VSTM4: variants seen among roughly 807,000 people sequenced by gnomAD.
VSTM4 encodes V-set and transmembrane domain containing 4, also known as V-set and transmembrane domain-containing protein 4.
A neutral mutation model predicts 36.4 loss-of-function variants in VSTM4; 20 were observed. The ratio of observed to expected loss-of-function variants is 0.55; its 90% CI spans 0.39 to 0.80. The LOEUF (loss-of-function observed/expected upper bound fraction) is 0.80. VSTM4 is among the 30% of genes least tolerant of loss of function. The pLI is 0.00. For missense variants in VSTM4, 392 were observed against 404.5 expected, an observed-to-expected ratio of 0.97 and a Z score of 0.26; for synonymous variants, 182 against 173.9, an observed-to-expected ratio of 1.05 and a Z score of -0.37.
intron 5 of VSTM4, among the ~76,000 whole-genome samples, chr10:49,051,182 A>C (rs569425911): frequency 2.6e-5 from 4 of 152,142 alleles, no homozygotes; most frequent in Non-Finnish European, 4.4e-5. Flanking sequence ...TTCACTCCCA[A>C]GTATCCTCTG....
intron 3 of VSTM4, among the ~76,000 whole-genome samples, chr10:49,085,625 A>C (rs1232033387): frequency 6.6e-6 from 1 of 152,220 alleles, no homozygotes; most frequent in Admixed American, 6.5e-5. Flanking sequence ...AGGGATTTCC[A>C]TCTCACTTTG....
At chr10:49,078,501 T>A (rs1186230366) in intron 3 of VSTM4, among the ~76,000 whole-genome samples, 1 of 147,556 alleles carries the variant, frequency 6.8e-6, no homozygotes. Context: ...CCTGGATGAA[T>A]CTCCAGAGAA....
At chr10:49,094,792 G>C (rs530536111) in intron 2 of VSTM4, among the ~76,000 whole-genome samples, 2 of 152,208 alleles carry the variant, frequency 1.3e-5, no homozygotes, top group South Asian at 4.2e-4. Context: ...GGGGGTGGGG[G>C]GCGTGCCACT....
At chr10:49,105,332 G>C (rs111209284) in intron 2 of VSTM4, among the ~76,000 whole-genome samples, 2 of 102,326 alleles carry the variant, frequency 2.0e-5, no homozygotes, top group East Asian at 2.3e-4. Context: ...AGAGAGACGG[G>C]GGGGGGAGAG....
intron 5 of VSTM4, among the ~76,000 whole-genome samples, chr10:49,059,051 G>C (rs1185741994): frequency 1.3e-5 from 2 of 152,220 alleles, no homozygotes; most frequent in African/African-American, 4.8e-5. Flanking sequence ...GCACAATTCA[G>C]GCCAAAGCCA....
chr10:49,047,643 G>C (rs764224450), intron 6 of VSTM4, among the ~76,000 whole-genome samples: 1 of 152,112 alleles, frequency 6.6e-6, no homozygotes, highest in African/African-American at 2.4e-5. Flanking sequence ...GCCTGGCCCA[G>C]GCAGGCGTTC....
rs189441546 is a variant in VSTM4 at position 49,047,355 on chromosome 10, C to A, written c.776-311G>T. ...GTGAAGGCTGAAGCTGGGACCTTCCCTGGGAGACTCCGTCCTACCCACACA... is the reference window on the plus strand; with the variant it reads ...GTGAAGGCTGAAGCTGGGACCTTCCATGGGAGACTCCGTCCTACCCACACA... On this transcript the variant is annotated intron_variant, in intron 6 of 7. Coordinates refer to ENST00000332853, the MANE Select transcript of VSTM4 (RefSeq NM_001031746.5). Among the ~76,000 whole-genome samples, 4 of 152,264 alleles carry A rather than the reference C, an allele frequency of 2.6e-5. No individual in the cohort carries two copies. In the East Asian group the frequency reaches 7.7e-4, roughly 29 times the overall value.
chr10:49,102,983 T>C (rs1038379189), intron 2 of VSTM4: 5 of 154,778 alleles, frequency 3.2e-5, no homozygotes, highest in Admixed American at 6.5e-5. Context: ...AACACTCTTA[T>C]GTAGACCAAT....
At position 49,052,241 on chromosome 10, in the gene VSTM4, A is replaced by G. The variant is rs542656316; in HGVS notation, c.669-3657T>C. On this transcript the variant is annotated intron_variant, in intron 5 of 7. Transcript: ENST00000332853. ...TACACCACAGCTATGCCACTCAACA[A>G]ATGAGAATACCTACGTCACCCTCCT... 1.4e-4 allele frequency among the ~76,000 whole-genome samples: 21 copies of G among 152,316 alleles called. No homozygotes were observed. The South Asian group carries it at 1.9e-3, about 14-fold the overall frequency.
intron 3 of VSTM4, among the ~76,000 whole-genome samples, chr10:49,085,631 C>G (rs1355348097): frequency 6.6e-6 from 1 of 152,126 alleles, no homozygotes; most frequent in African/African-American, 2.4e-5. Flanking sequence ...TTCCATCTCA[C>G]TTTGAGTAAG....
chr10:49,098,523 TCC>T (rs1421987658), intron 2 of VSTM4, among the ~76,000 whole-genome samples: 3 of 152,128 alleles, frequency 2.0e-5, no homozygotes, highest in African/African-American at 7.2e-5. Flanking sequence ...CACTTCCTCC[TCC>T]TCTAATCTGA....
chr10:49,088,398 A>G (rs562162824), intron 2 of VSTM4, among the ~76,000 whole-genome samples: 1 of 152,322 alleles, frequency 6.6e-6, no homozygotes, highest in East Asian at 1.9e-4. Flanking sequence ...ACATCAGACA[A>G]TTTGTCCATC....
At chr10:49,056,184 A>T (rs1172021878) in intron 5 of VSTM4, among the ~76,000 whole-genome samples, 1 of 152,220 alleles carries the variant, frequency 6.6e-6, no homozygotes, top group South Asian at 2.1e-4. Flanking sequence ...TCATCCTTAG[A>T]GCCACAAGAA....
chr10:49,019,564 A>T lies in VSTM4; in HGVS notation c.*86T>A, dbSNP rs944605187. On this transcript the variant is annotated 3_prime_UTR_variant, in exon 8 of 8. Transcript: ENST00000332853. ...CCACCACTCAGAAGGCATGAGTGAAAATACAGACATAAGGGCTTTGTCTCC... is the reference window on the plus strand; with the variant it reads ...CCACCACTCAGAAGGCATGAGTGAATATACAGACATAAGGGCTTTGTCTCC... 6 of 1,473,526 alleles carry T rather than the reference A, an allele frequency of 4.1e-6. No homozygotes were observed. Among genetic ancestry groups the T allele is most frequent in the Middle Eastern group, 2.1e-4 (1 of 4,826 alleles). 91.3% of individuals were successfully genotyped at this position (1,473,526 alleles called of 1,614,324 possible).
chr10:49,065,659 C>T (rs1291384828), intron 4 of VSTM4, among the ~76,000 whole-genome samples: 1 of 152,186 alleles, frequency 6.6e-6, no homozygotes, highest in Non-Finnish European at 1.5e-5. Flanking sequence ...ACAACCAGGT[C>T]CCAGGTAATG....
chr10:49,107,894 G>C lies in VSTM4; in HGVS notation c.157C>G (p.Arg53Gly), dbSNP rs147568311. 6.2e-7 allele frequency: 1 copy of C among 1,614,050 alleles called. No homozygotes were observed. Among genetic ancestry groups the C allele is most frequent in the Non-Finnish European group, 8.5e-7 (1 of 1,180,026 alleles). The change falls in exon 2 of 8, where the codon CGG becomes GGG. Residue 53 changes from arginine (R) to glycine (G), a missense_variant. Arg to Gly is a moderately radical substitution (Grantham distance 125). Coordinates refer to ENST00000332853, the MANE Select transcript of VSTM4 (RefSeq NM_001031746.5). ...CGCACGGCCAGCAAGCTGTCCTTCCGCCTTTTCTGGGAGACGTGGCAGAGG... is the reference window on the plus strand; with the variant it reads ...CGCACGGCCAGCAAGCTGTCCTTCCCCCTTTTCTGGGAGACGTGGCAGAGG... ...TLLCHVSQKR[R>G]KDSLLAVRWF...
chr10:49,056,265 C>CT (rs1292116161), intron 5 of VSTM4, among the ~76,000 whole-genome samples: 2 of 152,246 alleles, frequency 1.3e-5, no homozygotes, highest in Non-Finnish European at 2.9e-5. Context: ...ACAGCAGAGA[C>CT]TTTGCCAGGC....
chr10:49,077,086 C>T, intron 4 of VSTM4, 133 bp downstream of exon 4: 1 of 864,142 alleles, frequency 1.2e-6, no homozygotes, highest in South Asian at 1.6e-5. Flanking sequence ...CTCACTTTGC[C>T]CACAGTCACA....
chr10:49,094,787 TG>T (rs1030004286), intron 2 of VSTM4, among the ~76,000 whole-genome samples: 7 of 151,656 alleles, frequency 4.6e-5, no homozygotes, highest in African/African-American at 1.5e-4. Context: ...TGGCAGGGGG[TG>T]GGGGGCGTGC....
Sources: allele counts gnomAD v4.1 joint callset (sites outside exome capture counted in the v4.1 genomes callset), GRCh38; gene constraint gnomAD v4.1.1; transcripts MANE v1.5; gene names NCBI Gene and HGNC (gene_info 2026-07-23, HGNC 2026-07-21).